The following ANK2 variants were observed in gnomAD, a reference collection of about 807,000 sequenced individuals.
ANK2 encodes ankyrin-2.
In ANK2, 83 loss-of-function variants were observed where a neutral mutation model predicts 360.5. The ratio of observed to expected loss-of-function variants is 0.23; its 90% confidence interval spans 0.19 to 0.28. The LOEUF (loss-of-function observed/expected upper bound fraction) is 0.28. Ranked by LOEUF, ANK2 falls within the 10% of genes least tolerant of loss-of-function variation. ANK2 has a pLI of 1.00. For synonymous variants in ANK2, 1,740 were observed against 1,759.5 expected, an observed-to-expected ratio of 0.99 and a Z score of 0.28; for missense variants, 4,201 against 4,795.7, an observed-to-expected ratio of 0.88 and a Z score of 3.66.
intron 1 of ANK2, among the ~76,000 whole-genome samples, chr4:113,071,571 G>T (rs775554051): frequency 9.2e-5 from 14 of 151,982 alleles, no homozygotes; most frequent in Non-Finnish European, 1.5e-4. Context: ...GCTAACATGC[G>T]CAGTGTTCTG....
intron 2 of ANK2, among the ~76,000 whole-genome samples, chr4:112,939,904 A>G (rs1471920202): frequency 2.0e-5 from 3 of 152,196 alleles, no homozygotes; most frequent in Non-Finnish European, 4.4e-5. Flanking sequence ...AGTTGTTTCA[A>G]CGATCATAAT....
intron 13 of ANK2, among the ~76,000 whole-genome samples, 191 bp from the exon 14 acceptor site, chr4:113,264,706 G>T (rs2054930319): frequency 7.6e-6 from 1 of 130,938 alleles, no homozygotes; most frequent in African/African-American, 2.8e-5. Context: ...TGAGCAACAA[G>T]AGTGAAACTT....
intron 4 of ANK2, among the ~76,000 whole-genome samples, chr4:113,210,882 C>T (rs2153451670): frequency 6.6e-6 from 1 of 152,222 alleles, no homozygotes; most frequent in South Asian, 2.1e-4. Context: ...TACTTTCCCT[C>T]CCTATTTATT....
chr4:112,875,921 CTTTT>C (rs553724643), intron 1 of ANK2, among the ~76,000 whole-genome samples: 1 of 134,422 alleles, frequency 7.4e-6, no homozygotes. Context: ...TTTCTTTTTT[CTTTT>C]TTTTTTTTTT....
intron 37 of ANK2, 112 bp from the exon 38 acceptor site, chr4:113,352,933 C>T: frequency 7.1e-6 from 9 of 1,276,406 alleles, no homozygotes; most frequent in Non-Finnish European, 9.8e-6. Context: ...TGTTGCCCCT[C>T]CCACCACCAC....
the ANK2 span, among the ~76,000 whole-genome samples, chr4:112,710,756 T>C: frequency 1.3e-5 from 2 of 151,894 alleles, no homozygotes; most frequent in Non-Finnish European, 2.9e-5. Context: ...AAAGAACATT[T>C]TTCCAGCATC....
At chr4:112,939,512 G>A (rs1005254764) in intron 2 of ANK2, among the ~76,000 whole-genome samples, 2 of 151,360 alleles carry the variant, frequency 1.3e-5, no homozygotes, top group African/African-American at 2.4e-5. Context: ...ACAGGGTTTC[G>A]CCATGTTGGC....
intron 35 of ANK2, 45 bp from the exon 36 acceptor site, chr4:113,348,231 C>T (rs369867715): frequency 2.5e-6 from 4 of 1,597,346 alleles, no homozygotes; most frequent in East Asian, 4.5e-5. Flanking sequence ...CTCTACTCTT[C>T]CTTCTCTCTT....
intron 1 of ANK2, among the ~76,000 whole-genome samples, chr4:112,893,814 G>A (rs1184942122): frequency 1.3e-5 from 2 of 152,102 alleles, no homozygotes; most frequent in Non-Finnish European, 2.9e-5. Context: ...GGCCAACAAG[G>A]CAAAACTCTG....
At chr4:113,044,453 A>G (rs2063766723) in intron 2 of ANK2, among the ~76,000 whole-genome samples, 1 of 152,328 alleles carries the variant, frequency 6.6e-6, no homozygotes, top group East Asian at 1.9e-4. Context: ...GCTGCAACCA[A>G]CTATAAGGGA....
intron 4 of ANK2, among the ~76,000 whole-genome samples, chr4:113,215,903 ATTTAC>A (rs918826924): frequency 1.4e-4 from 22 of 152,224 alleles, no homozygotes; most frequent in African/African-American, 5.1e-4. Context: ...TAATTCCAGT[ATTTAC>A]TTAACAAATT....
intron 45 of ANK2, among the ~76,000 whole-genome samples, chr4:113,379,544 A>G (rs1356382564): frequency 6.6e-6 from 1 of 152,232 alleles, no homozygotes; most frequent in Non-Finnish European, 1.5e-5. Flanking sequence ...CCTGGCATCA[A>G]TGCTATAAAG....
At chr4:112,846,910 A>G (rs1416785555) in intron 1 of ANK2, among the ~76,000 whole-genome samples, 1 of 152,184 alleles carries the variant, frequency 6.6e-6, no homozygotes, top group African/African-American at 2.4e-5. Context: ...TAGCAGCACC[A>G]TGTCTGTGTT....
chr4:113,322,780 G>A (rs866066986), intron 26 of ANK2, among the ~76,000 whole-genome samples: 1 of 152,078 alleles, frequency 6.6e-6, no homozygotes, highest in Admixed American at 6.6e-5. Context: ...CATCTTGAAG[G>A]TATTCTCTCA....
intron 1 of ANK2, chr4:112,880,678 T>C (rs1186419769): frequency 1.3e-5 from 2 of 152,228 alleles, no homozygotes; most frequent in Non-Finnish European, 2.9e-5. Flanking sequence ...GCTCCTTCCA[T>C]TTAATTAGCA....
At chr4:113,204,769 A>G (rs1183520542) in intron 4 of ANK2, among the ~76,000 whole-genome samples, 1 of 152,140 alleles carries the variant, frequency 6.6e-6, no homozygotes, top group Non-Finnish European at 1.5e-5. Context: ...AGGGAAGTCC[A>G]AAACCCTGCT....
intron 2 of ANK2, among the ~76,000 whole-genome samples, chr4:112,909,575 T>C (rs1364321059): frequency 6.6e-6 from 1 of 152,174 alleles, no homozygotes; most frequent in African/African-American, 2.4e-5. Flanking sequence ...GTTAAAATGG[T>C]TTATAATCTA....
intron 2 of ANK2, among the ~76,000 whole-genome samples, chr4:113,018,344 A>G (rs1393554022): frequency 6.6e-6 from 1 of 152,256 alleles, no homozygotes; most frequent in Non-Finnish European, 1.5e-5. Flanking sequence ...ACACCAGCTT[A>G]CAAATAAAAT....
chr4:112,789,481 A>G, the ANK2 span, among the ~76,000 whole-genome samples: 2 of 152,180 alleles, frequency 1.3e-5, no homozygotes, highest in Non-Finnish European at 2.9e-5. Flanking sequence ...GGAGGTAGAG[A>G]AAGGCCTTGG....
Sources: gnomAD v4.1 joint callset for allele counts (sites outside exome capture counted in the v4.1 genomes callset) on GRCh38, gnomAD v4.1.1 for gene constraint, MANE v1.5 for transcripts, NCBI Gene and HGNC (gene_info 2026-07-23, HGNC 2026-07-21) for gene names.